CNBD1: variants seen among roughly 807,000 people sequenced by gnomAD.
CNBD1 encodes cyclic nucleotide binding domain containing 1.
A neutral mutation model predicts 54.4 loss-of-function variants in CNBD1; 71 were observed. The observed-to-expected ratio is 1.30, with a 90% CI of 1.08 to 1.59. The LOEUF is 1.59. Ranked by LOEUF, CNBD1 falls within the 40% of genes most tolerant of loss-of-function variation. The probability of loss-of-function intolerance (pLI) is 0.00; values close to 1 mark genes in which losing one functional copy is unlikely to be tolerated. For synonymous variants in CNBD1, 182 were observed against 170.7 expected (o/e 1.07, Z -0.51); for missense variants, 659 against 518.0 (o/e 1.27, Z -2.64).
At chr8:87,400,893 C>A (rs1807552447) in intron 2 of CNBD1, among the ~76,000 whole-genome samples, 1 of 151,828 alleles carries the variant, frequency 6.6e-6, no homozygotes, top group African/African-American at 2.4e-5. Flanking sequence ...CCCTGAAATT[C>A]TTATTTAATT....
chr8:87,247,087 G>A (rs944197353), intron 6 of CNBD1, among the ~76,000 whole-genome samples: 9 of 152,016 alleles, frequency 5.9e-5, no homozygotes, highest in Admixed American at 1.3e-4. Context: ...ACAGGAGCAG[G>A]CTTTTCAGTG....
chr8:86,876,826 C>T (rs989183889), intron 1 of CNBD1, among the ~76,000 whole-genome samples: 1 of 151,904 alleles, frequency 6.6e-6, no homozygotes, highest in Non-Finnish European at 1.5e-5. Flanking sequence ...GTAAAATCTA[C>T]ATCCTTAGTG....
At chr8:87,372,268 C>G (rs951047843) in intron 10 of CNBD1, among the ~76,000 whole-genome samples, 4 of 151,804 alleles carry the variant, frequency 2.6e-5, no homozygotes, top group African/African-American at 7.2e-5. Context: ...ATACCTAGTG[C>G]TGCTTTCAAG....
chr8:87,235,525 A>G (rs1420730202), intron 5 of CNBD1, among the ~76,000 whole-genome samples: 1 of 152,124 alleles, frequency 6.6e-6, no homozygotes, highest in Non-Finnish European at 1.5e-5. Context: ...AGGGAGAGAG[A>G]TGGGGAAACA....
intron 3 of CNBD1, among the ~76,000 whole-genome samples, chr8:86,910,681 T>C (rs556932665): frequency 6.6e-6 from 1 of 152,360 alleles, no homozygotes; most frequent in Non-Finnish European, 1.5e-5. Context: ...GGTCAGTTTA[T>C]GTCAGGAGTG....
chr8:87,369,940 A>T (rs1283048197), intron 10 of CNBD1, among the ~76,000 whole-genome samples: 1 of 151,294 alleles, frequency 6.6e-6, no homozygotes, highest in Non-Finnish European at 1.5e-5. Context: ...ATGTGTTCTC[A>T]TTGTTCAATT....
intron 2 of CNBD1, among the ~76,000 whole-genome samples, chr8:87,408,515 A>G (rs1442647869): frequency 6.6e-6 from 1 of 152,108 alleles, no homozygotes; most frequent in African/African-American, 2.4e-5. Flanking sequence ...ATCTTTATGA[A>G]CTATTTTTAA....
At chr8:87,266,505 G>T (rs902256502) in intron 6 of CNBD1, among the ~76,000 whole-genome samples, 1 of 117,464 alleles carries the variant, frequency 8.5e-6, no homozygotes, top group Non-Finnish European at 1.6e-5. Flanking sequence ...AGGCTGCAGT[G>T]CAATGGCACT....
At chr8:87,326,292 A>G (rs1489847449) in intron 8 of CNBD1, among the ~76,000 whole-genome samples, 1 of 122,570 alleles carries the variant, frequency 8.2e-6, no homozygotes, top group South Asian at 2.4e-4. Flanking sequence ...TTGGAGTTGC[A>G]CTTCTCGAGG....
intron 4 of CNBD1, among the ~76,000 whole-genome samples, chr8:86,962,955 T>G (rs1807970418): frequency 6.6e-6 from 1 of 152,148 alleles, no homozygotes. Flanking sequence ...TTCTCCAGCC[T>G]GAGGGTCAAA....
chr8:87,207,768 A>C (rs932336673), intron 5 of CNBD1, among the ~76,000 whole-genome samples: 7 of 150,174 alleles, frequency 4.7e-5, no homozygotes, highest in African/African-American at 1.7e-4. Context: ...TTGACGATTA[A>C]AATATGAATT....
At chr8:86,980,075 T>C (rs931732769) in intron 4 of CNBD1, among the ~76,000 whole-genome samples, 2 of 152,244 alleles carry the variant, frequency 1.3e-5, no homozygotes, top group Admixed American at 6.5e-5. Context: ...TTTTCTGTTA[T>C]GACTACTTTC....
At chr8:87,259,487 A>G (rs1408921394) in intron 6 of CNBD1, among the ~76,000 whole-genome samples, 2 of 152,154 alleles carry the variant, frequency 1.3e-5, no homozygotes, top group African/African-American at 4.8e-5. Flanking sequence ...AGCTGTTCTT[A>G]TTTCCCAAAG....
At chr8:87,321,773 A>T (rs13259727) in intron 8 of CNBD1, among the ~76,000 whole-genome samples, 8 of 149,958 alleles carry the variant, frequency 5.3e-5, no homozygotes, top group African/African-American at 2.0e-4. Flanking sequence ...GCCAAGACCA[A>T]TGTCATCAGG....
chr8:87,413,184 C>G (rs371024170), intron 2 of CNBD1, among the ~76,000 whole-genome samples: 10 of 152,114 alleles, frequency 6.6e-5, no homozygotes, highest in African/African-American at 2.4e-4. Context: ...GGCTATGACA[C>G]AGGGTTGTGA....
chr8:87,383,090 G>A (rs1811114779), downstream of CNBD1, among the ~76,000 whole-genome samples: 1 of 151,888 alleles, frequency 6.6e-6, no homozygotes, highest in Non-Finnish European at 1.5e-5. Context: ...ACATTGAATA[G>A]CTGTCTTGGT....
At chr8:86,873,342 C>G (rs1808468728) in intron 1 of CNBD1, among the ~76,000 whole-genome samples, 1 of 151,894 alleles carries the variant, frequency 6.6e-6, no homozygotes, top group Non-Finnish European at 1.5e-5. Context: ...CTCGGGTGAT[C>G]TGCCCGCCTC....
chr8:87,263,771 C>A (rs926071806), intron 6 of CNBD1, among the ~76,000 whole-genome samples: 1 of 151,880 alleles, frequency 6.6e-6, no homozygotes, highest in Non-Finnish European at 1.5e-5. Context: ...ATAAATATAA[C>A]AAGCCTGGAA....
At position 86,979,419 on chromosome 8, in the gene CNBD1, AAAAAAAAAAG is replaced by A. The variant is rs1232150001; in HGVS notation, c.431+39666_431+39675del. On this transcript the variant is annotated intron_variant, in intron 4 of 10. Coordinates refer to ENST00000518476, the MANE Select transcript of CNBD1 (RefSeq NM_173538.3). ...CATCTCTACAAAAAAAAAAAAAAAA[AAAAAAAAAAG>A]GCAAAAACAATTTAGCCTGCCATGG... 6.5e-4 allele frequency among the ~76,000 whole-genome samples: 95 copies of A among 145,880 alleles called. 2 individuals carry two copies. In the East Asian group the frequency reaches 0.012, roughly 18 times the overall value.
Sources: gnomAD v4.1 joint callset for allele counts (sites outside exome capture counted in the v4.1 genomes callset) on GRCh38, gnomAD v4.1.1 for gene constraint, MANE v1.5 for transcripts, NCBI Gene and HGNC (gene_info 2026-07-23, HGNC 2026-07-21) for gene names.